Variants in EPB41L3 observed in about 807,000 individuals in gnomAD.
EPB41L3 encodes the protein erythrocyte membrane protein band 4.1 like 3, also known as band 4.1-like protein 3.
A neutral mutation model predicts 127.1 loss-of-function variants in EPB41L3; 57 were observed. The ratio of observed to expected loss-of-function variants is 0.45; its 90% CI spans 0.36 to 0.56. EPB41L3 has a LOEUF of 0.56. Ranked by LOEUF, EPB41L3 falls within the 20% of genes least tolerant of loss-of-function variation. The pLI is 0.00. For missense variants in EPB41L3, 1,273 were observed against 1,372.2 expected, an observed-to-expected ratio of 0.93 and a Z score of 1.14; for synonymous variants, 572 against 549.5, an observed-to-expected ratio of 1.04 and a Z score of -0.57.
intron 5 of EPB41L3, among the ~76,000 whole-genome samples, chr18:5,442,413 CT>C (rs1486755457): frequency 3.9e-5 from 6 of 152,132 alleles, no homozygotes; most frequent in Non-Finnish European, 5.9e-5. Flanking sequence ...ACCCGACTCT[CT>C]TATATCTAGA....
intron 3 of EPB41L3, among the ~76,000 whole-genome samples, chr18:5,464,153 C>G (rs2084536202): frequency 6.6e-6 from 1 of 152,128 alleles, no homozygotes; most frequent in Non-Finnish European, 1.5e-5. Flanking sequence ...AAATATCACG[C>G]ACATAGTTAG....
At chr18:5,406,694 A>C (rs1255126118) in intron 16 of EPB41L3, 83 bp downstream of exon 16, 3 of 1,249,454 alleles carry the variant, frequency 2.4e-6, no homozygotes, top group African/African-American at 3.0e-5. Context: ...TACCCAGAAG[A>C]CTGTCAAATG....
At chr18:5,427,997 C>A (rs1284774821) in intron 9 of EPB41L3, among the ~76,000 whole-genome samples, 4 of 152,102 alleles carry the variant, frequency 2.6e-5, no homozygotes, top group East Asian at 1.9e-4. Flanking sequence ...CACGCCCCCA[C>A]CCCGCCCCCG....
chr18:5,560,673 G>C (rs932559462), intron 3 of EPB41L3, among the ~76,000 whole-genome samples: 5 of 152,042 alleles, frequency 3.3e-5, no homozygotes, highest in Non-Finnish European at 5.9e-5. Context: ...ATCAGGAAAG[G>C]GAACATTTGC....
chr18:5,549,226 T>C (rs879903003), upstream of EPB41L3, among the ~76,000 whole-genome samples: 3 of 152,198 alleles, frequency 2.0e-5, no homozygotes, highest in Non-Finnish European at 4.4e-5. Context: ...TCCAGCATGT[T>C]TTTTTTCCCC....
At chr18:5,497,677 G>A (rs1040791071) in intron 1 of EPB41L3, among the ~76,000 whole-genome samples, 5 of 152,176 alleles carry the variant, frequency 3.3e-5, no homozygotes, top group East Asian at 1.9e-4. Context: ...TCATGAACCC[G>A]ATATCATCAG....
At chr18:5,574,808 G>C (rs189725377) in intron 3 of EPB41L3, among the ~76,000 whole-genome samples, 1 of 152,284 alleles carries the variant, frequency 6.6e-6, no homozygotes, top group Admixed American at 6.5e-5. Flanking sequence ...GTTCCCCCAA[G>C]ACTTTGCCCC....
At chr18:5,591,392 G>A (rs576355018) in intron 3 of EPB41L3, among the ~76,000 whole-genome samples, 3 of 152,292 alleles carry the variant, frequency 2.0e-5, no homozygotes, top group African/African-American at 7.2e-5. Context: ...TTCACAGGTG[G>A]TGCCTTCTCA....
chr18:5,451,790 C>T (rs2082306813), intron 3 of EPB41L3, among the ~76,000 whole-genome samples: 1 of 152,194 alleles, frequency 6.6e-6, no homozygotes, highest in Admixed American at 6.5e-5. Context: ...ATGTCCAGGC[C>T]CCTATCTCAG....
chr18:5,606,740 T>C (rs2094657766), intron 3 of EPB41L3, among the ~76,000 whole-genome samples: 1 of 152,118 alleles, frequency 6.6e-6, no homozygotes, highest in African/African-American at 2.4e-5. Context: ...TAATAACTGG[T>C]AAAAATCATA....
chr18:5,577,430 G>C (rs1460483940), intron 3 of EPB41L3: 1 of 418,546 alleles, frequency 2.4e-6, no homozygotes, highest in South Asian at 1.8e-5. Context: ...TGACTCTCCG[G>C]CTTCTATTCC....
At chr18:5,482,172 T>A (rs999870537) in intron 2 of EPB41L3, among the ~76,000 whole-genome samples, 1 of 152,176 alleles carries the variant, frequency 6.6e-6, no homozygotes, top group African/African-American at 2.4e-5. Context: ...ATTGAAATAC[T>A]TTTAAGAAAT....
chr18:5,458,565 G>A (rs1216445913), intron 3 of EPB41L3, among the ~76,000 whole-genome samples: 2 of 152,220 alleles, frequency 1.3e-5, no homozygotes, highest in East Asian at 3.9e-4. Context: ...GCATGGTATG[G>A]GGATGTGTCT....
At chr18:5,559,773 A>T (rs554948409) in intron 3 of EPB41L3, among the ~76,000 whole-genome samples, 1 of 152,328 alleles carries the variant, frequency 6.6e-6, no homozygotes, top group African/African-American at 2.4e-5. Flanking sequence ...AAACAAAATT[A>T]TGGATGGTTT....
At chr18:5,472,282 TG>T (rs1434028809) in intron 3 of EPB41L3, among the ~76,000 whole-genome samples, 1 of 152,224 alleles carries the variant, frequency 6.6e-6, no homozygotes, top group Non-Finnish European at 1.5e-5. Context: ...TGTATGTAAC[TG>T]TTCCTATGGT....
At position 5,406,851 on chromosome 18, in the gene EPB41L3, G is replaced by A. The variant is rs758939466; in HGVS notation, c.2275C>T (p.Leu759Phe). ...TAVTNEWEKRLSTSPVRLAAR... is the reference protein window; with the variant it reads ...TAVTNEWEKRFSTSPVRLAAR... ...GCCAGTCGCACGGGGGAGGTGGAAAGCCTCTTCTCCCATTCATTCGTTACG... is the reference window on the plus strand; with the variant it reads ...GCCAGTCGCACGGGGGAGGTGGAAAACCTCTTCTCCCATTCATTCGTTACG... The change falls in exon 16 of 23, where the codon CTT (leucine) becomes TTT (phenylalanine). Residue 759 changes from leucine (L) to phenylalanine (F), a missense_variant. By Grantham distance (22) the Leu-to-Phe change is conservative. Transcript: ENST00000341928. 1.2e-6 allele frequency: 2 copies of A among 1,614,174 alleles called. No homozygotes were observed. The highest frequency in any genetic ancestry group is 1.7e-6 in the Non-Finnish European group (2 of 1,180,026).
chr18:5,411,778 T>C (rs550530930), intron 13 of EPB41L3, among the ~76,000 whole-genome samples: 2 of 152,260 alleles, frequency 1.3e-5, no homozygotes, highest in African/African-American at 4.8e-5. Flanking sequence ...GGGACAGTGT[T>C]GTTTCCACTG....
At chr18:5,414,856 T>C (rs1184367328) in intron 13 of EPB41L3, among the ~76,000 whole-genome samples, 1 of 152,188 alleles carries the variant, frequency 6.6e-6, no homozygotes, top group Non-Finnish European at 1.5e-5. Context: ...GGCTACCATG[T>C]CAGCTCGCCC....
intron 3 of EPB41L3, among the ~76,000 whole-genome samples, chr18:5,450,761 T>C (rs1028087946): frequency 6.6e-6 from 1 of 152,222 alleles, no homozygotes; most frequent in Non-Finnish European, 1.5e-5. Flanking sequence ...TCTCCACTTA[T>C]CTTGGTTTTC....
Sources: gnomAD v4.1 joint callset for allele counts (sites outside exome capture counted in the v4.1 genomes callset) on GRCh38, gnomAD v4.1.1 for gene constraint, MANE v1.5 for transcripts, NCBI Gene and HGNC (gene_info 2026-07-23, HGNC 2026-07-21) for gene names.